The following STIM2 variants were observed in gnomAD, a reference collection of about 807,000 sequenced individuals.
The protein encoded by STIM2 is stromal interaction molecule 2.
In STIM2, 31 loss-of-function variants were observed where a neutral mutation model predicts 85.8. That is an observed-to-expected ratio of 0.36 (90% CI 0.27 to 0.49). The LOEUF (loss-of-function observed/expected upper bound fraction) is 0.49, where lower values mean the gene tolerates loss of function less well. STIM2 is among the 20% of genes least tolerant of loss of function. The probability of loss-of-function intolerance (pLI) is 0.98; values close to 1 mark genes in which losing one functional copy is unlikely to be tolerated. For synonymous variants in STIM2, 356 were observed against 331.1 expected (o/e 1.08, Z -0.82); for missense variants, 841 against 927.6 (o/e 0.91, Z 1.21).
intron 1 of STIM2, among the ~76,000 whole-genome samples, chr4:26,876,966 C>T (rs1722836243): frequency 1.3e-5 from 2 of 152,250 alleles, no homozygotes; most frequent in Admixed American, 1.3e-4. Context: ...TTTGCTTTGA[C>T]TTGCCTGATT....
chr4:26,906,203 C>T (rs1419549445), intron 1 of STIM2, among the ~76,000 whole-genome samples: 1 of 152,102 alleles, frequency 6.6e-6, no homozygotes, highest in Non-Finnish European at 1.5e-5. Context: ...TATGTTCTCA[C>T]TTATAAGCGG....
intron 2 of STIM2, among the ~76,000 whole-genome samples, chr4:26,937,918 TCTA>T (rs1218432401): frequency 6.6e-6 from 1 of 152,226 alleles, no homozygotes; most frequent in East Asian, 1.9e-4. Context: ...TAGCTTGTTT[TCTA>T]CTAACATGAC....
At chr4:27,018,049 G>T in intron 11 of STIM2, 65 bp downstream of exon 11, 2 of 1,577,782 alleles carry the variant, frequency 1.3e-6, no homozygotes, top group Non-Finnish European at 1.7e-6. Context: ...GTGAGGAGGG[G>T]GCGGGAGGAG....
At chr4:26,896,180 A>G (rs369194443) in intron 1 of STIM2, among the ~76,000 whole-genome samples, 4 of 152,312 alleles carry the variant, frequency 2.6e-5, no homozygotes, top group East Asian at 3.9e-4. Flanking sequence ...ACTCCACAAC[A>G]TGGTAGTTTG....
At chr4:27,001,264 C>A (rs927352766) in intron 5 of STIM2, among the ~76,000 whole-genome samples, 4 of 152,164 alleles carry the variant, frequency 2.6e-5, no homozygotes, top group African/African-American at 9.7e-5. Flanking sequence ...ATCATTGTGT[C>A]TCTGTTCGAG....
At chr4:26,866,013 TATTTTAGATTC>T (rs1722397217) in intron 1 of STIM2, among the ~76,000 whole-genome samples, 3 of 151,976 alleles carry the variant, frequency 2.0e-5, no homozygotes. Flanking sequence ...TTCTAACTTT[TATTTTAGATTC>T]ATTTTAGATT....
intron 2 of STIM2, among the ~76,000 whole-genome samples, chr4:26,954,433 A>C (rs1163094150): frequency 7.8e-6 from 1 of 128,756 alleles, no homozygotes; most frequent in Non-Finnish European, 1.7e-5. Context: ...TTTGCCGTAC[A>C]TTATTTGAAG....
At chr4:26,867,360 AT>A (rs2109425167) in intron 1 of STIM2, among the ~76,000 whole-genome samples, 1 of 152,330 alleles carries the variant, frequency 6.6e-6, no homozygotes, top group African/African-American at 2.4e-5. Flanking sequence ...AAAAAATATA[AT>A]CGGGCTTATG....
intron 1 of STIM2, among the ~76,000 whole-genome samples, chr4:26,870,767 A>T (rs1465708649): frequency 6.6e-6 from 1 of 152,188 alleles, no homozygotes; most frequent in East Asian, 1.9e-4. Flanking sequence ...AGGCATACCC[A>T]CTTAAAGGGT....
intron 1 of STIM2, chr4:26,873,995 C>T (rs1296415189): frequency 1.1e-6 from 1 of 885,204 alleles, no homozygotes; most frequent in Admixed American, 1.8e-5. Flanking sequence ...CCCTCTCTTT[C>T]TCCTCCTGGC....
At chr4:26,909,424 G>T (rs1012385191) in intron 1 of STIM2, among the ~76,000 whole-genome samples, 22 of 152,178 alleles carry the variant, frequency 1.4e-4, no homozygotes, top group African/African-American at 5.3e-4. Context: ...AGAATGAATT[G>T]AAAGTTCTTT....
intron 1 of STIM2, chr4:26,874,229 G>T (rs942646587): frequency 4.5e-6 from 2 of 445,820 alleles, no homozygotes; most frequent in South Asian, 1.8e-5. Context: ...CCAGGGCTGC[G>T]GCAGGGGTCT....
At chr4:26,865,393 A>G (rs564920559) in intron 1 of STIM2, among the ~76,000 whole-genome samples, 2 of 152,170 alleles carry the variant, frequency 1.3e-5, no homozygotes, top group African/African-American at 4.8e-5. Flanking sequence ...GGCCAGTTAG[A>G]AAAGTGGATC....
chr4:26,868,172 C>A (rs1334897673), intron 1 of STIM2, among the ~76,000 whole-genome samples: 1 of 152,214 alleles, frequency 6.6e-6, no homozygotes, highest in Non-Finnish European at 1.5e-5. Context: ...ATAGTGGTAA[C>A]TCCCCTCCAG....
chr4:26,934,180 C>T (rs948489534), intron 2 of STIM2, among the ~76,000 whole-genome samples: 1 of 150,310 alleles, frequency 6.7e-6, no homozygotes, highest in Non-Finnish European at 1.5e-5. Context: ...GGCAAAAGAG[C>T]GAGACTATCT....
At chr4:27,000,041 A>G (rs955670538) in intron 5 of STIM2, among the ~76,000 whole-genome samples, 3 of 146,516 alleles carry the variant, frequency 2.0e-5, no homozygotes, top group African/African-American at 7.4e-5. Flanking sequence ...TACACCTTTT[A>G]AAGGAATTAT....
chr4:26,944,758 C>T (rs991532760), intron 2 of STIM2, among the ~76,000 whole-genome samples: 3 of 152,182 alleles, frequency 2.0e-5, no homozygotes, highest in Admixed American at 6.6e-5. Context: ...CTGTTTTTCT[C>T]GTCAATCACG....
intron 1 of STIM2, among the ~76,000 whole-genome samples, chr4:26,866,810 A>G (rs1722427134): frequency 6.6e-6 from 1 of 152,020 alleles, no homozygotes; most frequent in South Asian, 2.1e-4. Flanking sequence ...TGAGAGATAT[A>G]AAACTATTTG....
intron 3 of STIM2, among the ~76,000 whole-genome samples, chr4:26,987,550 C>A (rs1003518850): frequency 2.6e-5 from 4 of 152,168 alleles, no homozygotes; most frequent in Admixed American, 2.0e-4. Context: ...TCCCCACTTT[C>A]CCATCCCCCA....
Sources: allele counts gnomAD v4.1 joint callset (sites outside exome capture counted in the v4.1 genomes callset), GRCh38; gene constraint gnomAD v4.1.1; transcripts MANE v1.5; gene names NCBI Gene and HGNC (gene_info 2026-07-23, HGNC 2026-07-21).